PPP2R2B: variants seen among roughly 807,000 people sequenced by gnomAD.
The protein encoded by PPP2R2B is serine/threonine-protein phosphatase 2A 55 kDa regulatory subunit B beta isoform.
Under a neutral mutation model 46.0 loss-of-function variants are expected in PPP2R2B, and 5 were observed. The observed-to-expected ratio is 0.11, with a 90% CI of 0.06 to 0.23. The LOEUF (loss-of-function observed/expected upper bound fraction) is 0.23, where lower values mean the gene tolerates loss of function less well. Ranked by LOEUF, PPP2R2B falls within the 10% of genes least tolerant of loss-of-function variation. PPP2R2B has a pLI of 1.00. For synonymous variants in PPP2R2B, 215 were observed against 206.7 expected, an observed-to-expected ratio of 1.04 and a Z score of -0.34; for missense variants, 367 against 575.0, an observed-to-expected ratio of 0.64 and a Z score of 3.70.
At chr5:146,785,026 C>T (rs34377541) in intron 2 of PPP2R2B, among the ~76,000 whole-genome samples, 9,300 of 152,182 alleles carry the variant, frequency 0.061, 339 homozygotes, top group Middle Eastern at 0.11. Flanking sequence ...AAAGTACAAT[C>T]GTAGCACTCC....
upstream of PPP2R2B, chr5:147,056,285 C>G (rs1757080643): frequency 4.7e-6 from 1 of 211,304 alleles, no homozygotes; most frequent in South Asian, 1.7e-4. Flanking sequence ...AAGTACAGTG[C>G]AATGAAATGG....
At chr5:146,923,559 G>T (rs529942389) in intron 1 of PPP2R2B, among the ~76,000 whole-genome samples, 2 of 152,320 alleles carry the variant, frequency 1.3e-5, no homozygotes, top group Admixed American at 1.3e-4. Context: ...TAGTGGGTTT[G>T]TCGGAAGCCC....
chr5:146,937,542 G>A (rs940394776), intron 1 of PPP2R2B, among the ~76,000 whole-genome samples: 5 of 152,166 alleles, frequency 3.3e-5, no homozygotes, highest in African/African-American at 9.7e-5. Context: ...AGAAGGCAGA[G>A]AAAGAGAAAG....
rs202230823 is a variant in PPP2R2B at position 146,589,931 on chromosome 5, G to A, written c.*16C>T. 5.0e-6 allele frequency: 8 copies of A among 1,607,668 alleles called. No homozygotes were observed. The highest frequency in any genetic ancestry group is 1.1e-5 in the South Asian group (1 of 90,926). On this transcript the variant is annotated 3_prime_UTR_variant, in exon 10 of 10. Coordinates refer to ENST00000394411, the MANE Select transcript of PPP2R2B (RefSeq NM_181675.4). ...AGTATTCAGTATGTGAGATTATTAAGTAATAACTTGTCCACCTAGTTAACC... is the reference window on the plus strand; with the variant it reads ...AGTATTCAGTATGTGAGATTATTAAATAATAACTTGTCCACCTAGTTAACC...
At position 146,602,947 on chromosome 5, in the gene PPP2R2B, A is replaced by G. The variant is rs116154001; in HGVS notation, c.791-2487T>C. ...AGTTTCAACTAACAGCTATGTCATT[A>G]GTATTGGAGGTTTGGAAATTCCAAG... On this transcript the variant is annotated intron_variant, in intron 7 of 9. Coordinates refer to ENST00000394411, the MANE Select transcript of PPP2R2B (RefSeq NM_181675.4). Among the ~76,000 whole-genome samples the G allele has an allele frequency of 3.9e-3, 597 of 152,320 alleles. 5 individuals are homozygous for G. The highest frequency in any genetic ancestry group is 0.014 in the African/African-American group (572 of 41,568).
chr5:146,951,949 A>G (rs558969589), intron 1 of PPP2R2B, among the ~76,000 whole-genome samples: 2 of 150,900 alleles, frequency 1.3e-5, no homozygotes, highest in Admixed American at 6.6e-5. Context: ...GTCTTCCACA[A>G]TGGTTGAACT....
chr5:147,076,624 C>A (rs1219780986), intron 2 of PPP2R2B, among the ~76,000 whole-genome samples: 1 of 151,948 alleles, frequency 6.6e-6, no homozygotes, highest in East Asian at 1.9e-4. Flanking sequence ...GGTTTCTTCC[C>A]ACAAGTCTAT....
chr5:146,832,857 G>A (rs954607125), intron 2 of PPP2R2B, among the ~76,000 whole-genome samples: 1 of 151,912 alleles, frequency 6.6e-6, no homozygotes, highest in Non-Finnish European at 1.5e-5. Context: ...GTGTGCAGTA[G>A]GCTATACCAC....
intron 2 of PPP2R2B, among the ~76,000 whole-genome samples, chr5:146,821,987 T>C (rs1353253896): frequency 6.6e-6 from 1 of 152,194 alleles, no homozygotes; most frequent in African/African-American, 2.4e-5. Flanking sequence ...AGTGAATCCG[T>C]GGCCCAAGTA....
chr5:146,913,965 A>G (rs1227079503), intron 1 of PPP2R2B, among the ~76,000 whole-genome samples: 1 of 152,210 alleles, frequency 6.6e-6, no homozygotes, highest in Non-Finnish European at 1.5e-5. Context: ...ATGAGGTTAT[A>G]AGGAATCAGC....
At chr5:146,854,495 T>C (rs1196893110) in intron 2 of PPP2R2B, among the ~76,000 whole-genome samples, 1 of 152,178 alleles carries the variant, frequency 6.6e-6, no homozygotes, top group Non-Finnish European at 1.5e-5. Flanking sequence ...GTCACTGTAC[T>C]CTGCTATCAA....
At chr5:146,859,159 CA>C (rs1760840049) in intron 2 of PPP2R2B, among the ~76,000 whole-genome samples, 1 of 152,044 alleles carries the variant, frequency 6.6e-6, no homozygotes, top group Admixed American at 6.5e-5. Context: ...TGATCATAGA[CA>C]AGTTGATTAA....
chr5:146,592,175 G>A (rs899552026), intron 9 of PPP2R2B: 8 of 441,462 alleles, frequency 1.8e-5, no homozygotes, highest in South Asian at 8.2e-5. Flanking sequence ...CCTTTGCCAC[G>A]TGGAGACTCC....
intron 2 of PPP2R2B, among the ~76,000 whole-genome samples, chr5:146,769,754 C>A (rs1265105760): frequency 6.6e-6 from 1 of 152,090 alleles, no homozygotes; most frequent in African/African-American, 2.4e-5. Flanking sequence ...GCTATAAATA[C>A]AAACACGAGC....
At chr5:146,788,956 G>T (rs1756019703) in intron 2 of PPP2R2B, among the ~76,000 whole-genome samples, 1 of 152,100 alleles carries the variant, frequency 6.6e-6, no homozygotes, top group African/African-American at 2.4e-5. Context: ...ACAAACATTG[G>T]TAAATATTTG....
intron 6 of PPP2R2B, among the ~76,000 whole-genome samples, chr5:146,649,575 A>C (rs915727767): frequency 2.0e-5 from 3 of 151,762 alleles, no homozygotes; most frequent in African/African-American, 7.3e-5. Context: ...CTCCCAAGTA[A>C]CTGGGACTAC....
intron 2 of PPP2R2B, among the ~76,000 whole-genome samples, chr5:146,867,959 C>T (rs541758350): frequency 6.6e-6 from 1 of 152,162 alleles, no homozygotes; most frequent in Non-Finnish European, 1.5e-5. Context: ...GAGTTTATAA[C>T]CCCCACCATG....
chr5:146,900,587 C>CTTCCTCCCTTCCTTCCTTCCTTCT (rs1762800545), intron 1 of PPP2R2B, among the ~76,000 whole-genome samples: 1 of 112,248 alleles, frequency 8.9e-6, no homozygotes, highest in African/African-American at 4.0e-5. Context: ...TCCTTCCTTC[C>CTTCCTCCCTTCCTTCCTTCCTTCT]TTCCTTCTTT....
At chr5:146,698,627 T>A (rs1779349611) in intron 3 of PPP2R2B, among the ~76,000 whole-genome samples, 1 of 151,872 alleles carries the variant, frequency 6.6e-6, no homozygotes, top group South Asian at 2.1e-4. Flanking sequence ...CTGATTCTCA[T>A]GAAATCTCTG....
Sources: allele counts gnomAD v4.1 joint callset (sites outside exome capture counted in the v4.1 genomes callset), GRCh38; gene constraint gnomAD v4.1.1; transcripts MANE v1.5; gene names NCBI Gene and HGNC (gene_info 2026-07-23, HGNC 2026-07-21).